The following IDNK variants were observed in gnomAD, a reference collection of about 807,000 sequenced individuals.
IDNK encodes IDNK gluconokinase.
IDNK carries 9 observed loss-of-function variants against 13.0 expected under a neutral mutation model. The ratio of observed to expected loss-of-function variants is 0.69; its 90% CI spans 0.42 to 1.21. IDNK has a LOEUF of 1.21. Ranked by LOEUF, IDNK falls within the 50% of genes most tolerant of loss-of-function variation. The pLI is 0.00. For missense variants in IDNK, 210 were observed against 237.8 expected, an observed-to-expected ratio of 0.88 and a Z score of 0.77; for synonymous variants, 92 against 94.9, an observed-to-expected ratio of 0.97 and a Z score of 0.18.
Position 83,644,018 on chromosome 9 carries a change from T to C in IDNK, c.*238T>C, listed in dbSNP as rs1831389303. On this transcript the variant is annotated 3_prime_UTR_variant, in exon 5 of 5. Coordinates refer to ENST00000376419, the MANE Select transcript of IDNK (RefSeq NM_001001551.4). ...AAGTTTAAATTCATCTATAACCAAATCAAATGATCAGAGGAAATTCTGTAA... is the reference window on the plus strand; with the variant it reads ...AAGTTTAAATTCATCTATAACCAAACCAAATGATCAGAGGAAATTCTGTAA... 1 of 428,086 alleles carries C rather than the reference T, an allele frequency of 2.3e-6. No homozygotes were observed. Among genetic ancestry groups the C allele is most frequent in the Middle Eastern group, 6.4e-4 (1 of 1,564 alleles). 26.5% of individuals were successfully genotyped at this position (428,086 alleles called of 1,614,324 possible).
intron 3 of IDNK, 53 bp from the exon 4 acceptor site, chr9:83,641,495 C>CA: frequency 7.6e-6 from 12 of 1,587,504 alleles, no homozygotes; most frequent in Admixed American, 1.7e-5. Context: ...TACAAACAAA[C>CA]AATACCTGGA....
chr9:83,624,398 A>C (rs1253497807), intron 1 of IDNK, among the ~76,000 whole-genome samples: 1 of 152,228 alleles, frequency 6.6e-6, no homozygotes, highest in African/African-American at 2.4e-5. Flanking sequence ...TATTGAGCTC[A>C]ATCCTTACTC....
chr9:83,625,112 A>C (rs1830814706), intron 1 of IDNK, among the ~76,000 whole-genome samples: 1 of 152,196 alleles, frequency 6.6e-6, no homozygotes, highest in African/African-American at 2.4e-5. Context: ...AGGTAAAGAG[A>C]ATGTGGTCAT....
At chr9:83,642,899 C>T (rs1044781210) in intron 4 of IDNK, among the ~76,000 whole-genome samples, 24 of 152,308 alleles carry the variant, frequency 1.6e-4, no homozygotes, top group African/African-American at 5.1e-4. Context: ...CCTTCTCTCC[C>T]GCTTTCTCCA....
intron 1 of IDNK, among the ~76,000 whole-genome samples, chr9:83,625,044 G>A (rs1482220578): frequency 1.3e-5 from 2 of 152,204 alleles, no homozygotes; most frequent in Non-Finnish European, 2.9e-5. Context: ...GAGCAGGAAG[G>A]AACCCATTGT....
chr9:83,643,834 T>C lies in IDNK; in HGVS notation c.*54T>C. The C allele has an allele frequency of 7.4e-7, 1 of 1,358,286 alleles. No homozygotes were observed. The highest frequency in any genetic ancestry group is 1.3e-5 in the South Asian group (1 of 76,084). 84.1% of individuals were successfully genotyped at this position (1,358,286 alleles called of 1,614,324 possible). On this transcript the variant is annotated 3_prime_UTR_variant, in exon 5 of 5. Coordinates refer to ENST00000376419, the MANE Select transcript of IDNK (RefSeq NM_001001551.4). The stretch of plus-strand genomic sequence containing the variant: ...GAACTAAGCATAAATCATTGTGCCA[T>C]CCCAAACCTCGTTCCAGCCGCCTTG...
At position 83,643,826 on chromosome 9, in the gene IDNK, T is replaced by A. The variant is rs745948078; in HGVS notation, c.*46T>A. 2 of 1,443,040 alleles carry A rather than the reference T, an allele frequency of 1.4e-6. No individual in the cohort carries two copies. Among genetic ancestry groups the A allele is most frequent in the African/African-American group, 1.4e-5 (1 of 70,478 alleles). 89.4% of individuals were successfully genotyped at this position (1,443,040 alleles called of 1,614,324 possible). A position where few individuals can be genotyped will look rare whatever the true frequency, so the allele number is the denominator to read the frequency against. Reference sequence around the variant, plus strand: ...TCCAAACAGAACTAAGCATAAATCATTGTGCCATCCCAAACCTCGTTCCAG... The same window carrying A: ...TCCAAACAGAACTAAGCATAAATCAATGTGCCATCCCAAACCTCGTTCCAG... On this transcript the variant is annotated 3_prime_UTR_variant, in exon 5 of 5. Transcript: ENST00000376419.
chr9:83,637,823 T>C (rs1831204669), intron 3 of IDNK, among the ~76,000 whole-genome samples: 1 of 152,206 alleles, frequency 6.6e-6, no homozygotes, highest in Admixed American at 6.5e-5. Flanking sequence ...TTAGCATTGA[T>C]GTCAAGTTGT....
At chr9:83,635,425 G>C (rs1370424259) in intron 3 of IDNK, among the ~76,000 whole-genome samples, 1 of 152,234 alleles carries the variant, frequency 6.6e-6, no homozygotes, top group Non-Finnish European at 1.5e-5. Flanking sequence ...GAAAAGGCTT[G>C]CTAATGAGAA....
At chr9:83,631,895 C>T (rs929865101) in intron 3 of IDNK, among the ~76,000 whole-genome samples, 2 of 152,084 alleles carry the variant, frequency 1.3e-5, no homozygotes, top group African/African-American at 4.8e-5. Context: ...CCCACAGTGT[C>T]CTATCTGAGC....
rs57832482 is a variant in IDNK at position 83,631,451 on chromosome 9, G to GAAAAAA, written c.168+2506_168+2511dup. 3.4e-3 allele frequency among the ~76,000 whole-genome samples: 196 copies of GAAAAAA among 56,926 alleles called. 16 individuals carry two copies. Among genetic ancestry groups the GAAAAAA allele is most frequent in the South Asian group, 7.1e-3 (7 of 992 alleles). 37.3% of individuals were successfully genotyped at this position (56,926 alleles called of 152,430 possible). A position where few individuals can be genotyped will look rare whatever the true frequency, so the allele number is the denominator to read the frequency against. On this transcript the variant is annotated intron_variant, in intron 3 of 4. Coordinates refer to ENST00000376419, the MANE Select transcript of IDNK (RefSeq NM_001001551.4). Reference sequence around the variant, plus strand: ...GCAAGTCCCTGCCTCTACAAAAACTGAAAAAAAAAAAAAAAAAAAGGCTGG... The same window carrying GAAAAAA: ...GCAAGTCCCTGCCTCTACAAAAACTGAAAAAAAAAAAAAAAAAAAAAAAAAGGCTGG...
chr9:83,629,808 C>T (rs1830962395), intron 3 of IDNK, among the ~76,000 whole-genome samples: 1 of 152,242 alleles, frequency 6.6e-6, no homozygotes, highest in South Asian at 2.1e-4. Flanking sequence ...TTTCTGTTAA[C>T]CATTGTACCC....
At position 83,643,728 on chromosome 9, in the gene IDNK, A is replaced by G. The variant is rs1831382456; in HGVS notation, c.512A>G (p.Lys171Arg). ...PENFIQISVDKNVSEIIATIM... is the reference protein window; with the variant it reads ...PENFIQISVDRNVSEIIATIM... ...AACTTTATCCAAATAAGTGTGGACA[A>G]AAATGTTTCAGAGATAATTGCTACA... Residue 171 changes from lysine (K) to arginine (R), a missense_variant, in exon 5 of 5, where the codon AAA (lysine) becomes AGA (arginine). Coordinates refer to ENST00000376419, the MANE Select transcript of IDNK (RefSeq NM_001001551.4). 2 of 1,613,384 alleles carry G rather than the reference A, an allele frequency of 1.2e-6. No individual in the cohort carries two copies. Among genetic ancestry groups the G allele is most frequent in the Non-Finnish European group, 1.7e-6 (2 of 1,179,840 alleles).
intron 3 of IDNK, among the ~76,000 whole-genome samples, chr9:83,632,556 GCAAA>G (rs747288028): frequency 7.1e-5 from 2 of 27,978 alleles, no homozygotes; most frequent in Non-Finnish European, 1.1e-4. Context: ...TAGCTGATGA[GCAAA>G]AAAAAAAAAA....
chr9:83,628,221 C>A lies in IDNK; in HGVS notation c.81+10C>A, dbSNP rs1294610924. 6.5e-7 allele frequency: 1 copy of A among 1,546,680 alleles called. No homozygotes were observed. The highest frequency in any genetic ancestry group is 8.7e-7 in the Non-Finnish European group (1 of 1,143,372). ...CCTGCTGGCATCTGAGGTTAGTAAC[C>A]TGTCCTAATGCCTTCCGAGTGCTTG... On this transcript the variant is annotated intron_variant, in intron 2 of 4. Transcript: ENST00000376419.
chr9:83,635,979 T>TGC (rs1831155024), intron 3 of IDNK, among the ~76,000 whole-genome samples: 1 of 152,220 alleles, frequency 6.6e-6, no homozygotes, highest in East Asian at 1.9e-4. Flanking sequence ...CAAGGCCCAG[T>TGC]GCCTTCTTTC....
intron 3 of IDNK, among the ~76,000 whole-genome samples, chr9:83,636,973 G>T (rs1353754958): frequency 1.3e-5 from 2 of 152,170 alleles, no homozygotes; most frequent in African/African-American, 4.8e-5. Flanking sequence ...AACCACACTT[G>T]TTTCACTACA....
At chr9:83,626,763 C>A in intron 1 of IDNK, 1 of 1,186,998 alleles carries the variant, frequency 8.4e-7, no homozygotes, top group Non-Finnish European at 1.1e-6. Context: ...TCTGGCTTCA[C>A]CAGCCATGGA....
chr9:83,628,254 G>A, intron 2 of IDNK, 43 bp downstream of exon 2: 4 of 1,480,536 alleles, frequency 2.7e-6, no homozygotes, highest in Non-Finnish European at 3.7e-6. Flanking sequence ...TTGTCCCATT[G>A]TGTTCTGGTC....
Sources: gnomAD v4.1 joint callset for allele counts (sites outside exome capture counted in the v4.1 genomes callset) on GRCh38, gnomAD v4.1.1 for gene constraint, MANE v1.5 for transcripts, NCBI Gene and HGNC (gene_info 2026-07-23, HGNC 2026-07-21) for gene names.